The following TAOK1 variants were observed in gnomAD, a reference collection of about 807,000 sequenced individuals.
The protein encoded by TAOK1 is TAO kinase 1.
A neutral mutation model predicts 138.3 loss-of-function variants in TAOK1; 21 were observed. That is an observed-to-expected ratio of 0.15 (90% confidence interval 0.11 to 0.22). The LOEUF (loss-of-function observed/expected upper bound fraction) is 0.22, where lower values mean the gene tolerates loss of function less well. TAOK1 is among the 10% of genes least tolerant of loss of function. TAOK1 has a pLI of 1.00. For synonymous variants in TAOK1, 361 were observed against 398.4 expected (o/e 0.91, Z 1.12); for missense variants, 651 against 1,227.7 (o/e 0.53, Z 7.02).
At chr17:29,403,027 G>A (rs534486048) in intron 1 of TAOK1, among the ~76,000 whole-genome samples, 194 of 151,800 alleles carry the variant, frequency 1.3e-3, no homozygotes, top group African/African-American at 4.5e-3. Context: ...CGTGCATGGT[G>A]GCGGGCACCT....
At chr17:29,527,207 T>G (rs921304341) in intron 17 of TAOK1, among the ~76,000 whole-genome samples, 1 of 151,794 alleles carries the variant, frequency 6.6e-6, no homozygotes, top group Non-Finnish European at 1.5e-5. Context: ...AGAGGATCAC[T>G]TGAACCCCAG....
At chr17:29,500,849 T>G (rs1466419823) in intron 12 of TAOK1, among the ~76,000 whole-genome samples, 2 of 152,176 alleles carry the variant, frequency 1.3e-5, no homozygotes, top group African/African-American at 4.8e-5. Context: ...GAAAACATGT[T>G]AAGTGATAAA....
intron 1 of TAOK1, among the ~76,000 whole-genome samples, chr17:29,402,148 G>A (rs1339601229): frequency 1.1e-4 from 16 of 152,116 alleles, no homozygotes; most frequent in Non-Finnish European, 2.4e-4. Context: ...CAAGGACTTT[G>A]CCTAAAAGGT....
At chr17:29,497,793 A>G (rs554266273) in intron 11 of TAOK1, among the ~76,000 whole-genome samples, 2 of 152,044 alleles carry the variant, frequency 1.3e-5, no homozygotes, top group African/African-American at 4.8e-5. Context: ...CTACTTATGA[A>G]AGGCTGATTT....
chr17:29,423,398 T>C (rs908169065), intron 1 of TAOK1, among the ~76,000 whole-genome samples: 3 of 151,680 alleles, frequency 2.0e-5, no homozygotes, highest in Non-Finnish European at 2.9e-5. Context: ...TTCTATTTTT[T>C]AGTAGAGACG....
At chr17:29,434,603 A>G (rs1905967257) in intron 1 of TAOK1, among the ~76,000 whole-genome samples, 1 of 152,092 alleles carries the variant, frequency 6.6e-6, no homozygotes. Context: ...GGGTGTCGAG[A>G]CAATAGGAAT....
intron 13 of TAOK1, among the ~76,000 whole-genome samples, chr17:29,504,949 T>A (rs1406990080): frequency 6.6e-6 from 1 of 152,192 alleles, no homozygotes; most frequent in Non-Finnish European, 1.5e-5. Context: ...AAGGACCAGC[T>A]CAAAGGAAAA....
intron 1 of TAOK1, among the ~76,000 whole-genome samples, chr17:29,444,427 C>T (rs1045107434): frequency 3.9e-5 from 6 of 152,108 alleles, no homozygotes; most frequent in African/African-American, 1.4e-4. Context: ...GAAAAAGAAG[C>T]AGTTATGCAC....
Position 29,547,734 on chromosome 17 carries a change from T to C in TAOK1, c.*4712T>C, listed in dbSNP as rs941922088. 2.6e-5 allele frequency: 4 copies of C among 152,040 alleles called. No homozygotes were observed. Among genetic ancestry groups the C allele is most frequent in the Non-Finnish European group, 5.9e-5 (4 of 67,960 alleles). The allele number at this position is 152,040 out of a possible 1,614,324, so 9.4% of individuals were successfully genotyped here. ...GAAAAACAAATTATCTATTTTGTTT[T>C]CCCCCATCTAACATGATAGTGCCCC... is the stretch of plus-strand genomic sequence containing the variant. On this transcript the variant is annotated 3_prime_UTR_variant, in exon 20 of 20. Transcript: ENST00000261716.
At chr17:29,530,374 A>C in intron 17 of TAOK1, 33 bp from the exon 18 acceptor site, 1 of 1,590,598 alleles carries the variant, frequency 6.3e-7, no homozygotes, top group African/African-American at 1.3e-5. Flanking sequence ...CTTTCGTTAC[A>C]ACTTACATAA....
intron 2 of TAOK1, among the ~76,000 whole-genome samples, chr17:29,455,896 C>T (rs544146912): frequency 2.7e-5 from 4 of 149,954 alleles, no homozygotes; most frequent in Non-Finnish European, 4.4e-5. Flanking sequence ...ATTTTTCATT[C>T]CACATTTGTA....
intron 17 of TAOK1, among the ~76,000 whole-genome samples, chr17:29,528,005 T>C (rs1428961597): frequency 6.6e-6 from 1 of 152,232 alleles, no homozygotes; most frequent in Non-Finnish European, 1.5e-5. Context: ...AAGTTTTGTT[T>C]AACCTTTGAA....
chr17:29,410,062 T>C (rs1004090785), intron 1 of TAOK1, among the ~76,000 whole-genome samples: 1 of 152,204 alleles, frequency 6.6e-6, no homozygotes, highest in South Asian at 2.1e-4. Context: ...TGTTCTGTTA[T>C]GTATTCACGG....
intron 19 of TAOK1, among the ~76,000 whole-genome samples, chr17:29,537,479 T>A (rs1487783841): frequency 1.3e-5 from 2 of 150,020 alleles, no homozygotes; most frequent in Admixed American, 6.6e-5. Flanking sequence ...GCCTCACAAC[T>A]ACAGGCATGC....
chr17:29,459,840 T>C (rs2030491593), intron 2 of TAOK1, among the ~76,000 whole-genome samples: 1 of 152,324 alleles, frequency 6.6e-6, no homozygotes, highest in Middle Eastern at 3.4e-3. Flanking sequence ...CTCTTCTTCA[T>C]AGTGGTTGTG....
At chr17:29,535,236 A>T (rs929367189) in intron 19 of TAOK1, among the ~76,000 whole-genome samples, 3 of 152,092 alleles carry the variant, frequency 2.0e-5, no homozygotes, top group Non-Finnish European at 2.9e-5. Context: ...GATTGAGCCT[A>T]GAAGGTTGAG....
At chr17:29,464,051 G>A (rs2030595751) in intron 2 of TAOK1, among the ~76,000 whole-genome samples, 1 of 152,120 alleles carries the variant, frequency 6.6e-6, no homozygotes, top group South Asian at 2.1e-4. Flanking sequence ...ACATTTGTAT[G>A]AAATGTCCAG....
chr17:29,463,684 A>C (rs2030584989), intron 2 of TAOK1, among the ~76,000 whole-genome samples: 1 of 152,198 alleles, frequency 6.6e-6, no homozygotes, highest in African/African-American at 2.4e-5. Context: ...TTGTTTTGGC[A>C]AAGCCTTCTT....
At chr17:29,507,756 G>C (rs2031652598) in intron 13 of TAOK1, 140 bp from the exon 14 acceptor site, 2 of 757,980 alleles carry the variant, frequency 2.6e-6, no homozygotes, top group East Asian at 5.5e-5. Context: ...TAAAAGACTT[G>C]TTGGAAATTT....
Sources: allele counts gnomAD v4.1 joint callset (sites outside exome capture counted in the v4.1 genomes callset), GRCh38; gene constraint gnomAD v4.1.1; transcripts MANE v1.5; gene names NCBI Gene and HGNC (gene_info 2026-07-23, HGNC 2026-07-21).